The following AGBL1 variants were observed in gnomAD, a reference collection of about 807,000 sequenced individuals.
AGBL1 encodes cytosolic carboxypeptidase 4.
In AGBL1, 130 loss-of-function variants were observed where a neutral mutation model predicts 118.9. The ratio of observed to expected loss-of-function variants is 1.09; its 90% CI spans 0.95 to 1.26. The LOEUF (loss-of-function observed/expected upper bound fraction) is 1.26. AGBL1 is among the 50% of genes most tolerant of loss of function. The pLI is 0.00. For missense variants in AGBL1, 1,584 were observed against 1,298.1 expected (o/e 1.22, Z -3.38); for synonymous variants, 555 against 478.9 (o/e 1.16, Z -2.08).
chr15:86,966,775 G>T (rs995608518), intron 23 of AGBL1, among the ~76,000 whole-genome samples: 2 of 151,940 alleles, frequency 1.3e-5, no homozygotes, highest in Admixed American at 6.6e-5. Flanking sequence ...GAATAATGCC[G>T]CAATAAACAT....
intron 22 of AGBL1, among the ~76,000 whole-genome samples, chr15:86,689,699 A>C (rs1184060294): frequency 6.6e-6 from 1 of 152,176 alleles, no homozygotes; most frequent in Non-Finnish European, 1.5e-5. Flanking sequence ...ATGTATTAAA[A>C]AAAATTAGCT....
intron 6 of AGBL1, among the ~76,000 whole-genome samples, chr15:86,236,661 G>A (rs1192331837): frequency 6.6e-6 from 1 of 151,940 alleles, no homozygotes; most frequent in African/African-American, 2.4e-5. Context: ...TTTAAGGAGT[G>A]GAGAGTTTAA....
intron 18 of AGBL1, among the ~76,000 whole-genome samples, chr15:86,476,802 T>C (rs998823557): frequency 6.6e-6 from 1 of 152,176 alleles, no homozygotes; most frequent in South Asian, 2.1e-4. Flanking sequence ...CACATTGCAC[T>C]TATTCCAAAA....
chr15:86,701,769 TCACTCCTCTCCCCTCCC>T (rs2086363249), intron 22 of AGBL1, among the ~76,000 whole-genome samples: 1 of 142,162 alleles, frequency 7.0e-6, no homozygotes, highest in South Asian at 2.4e-4. Context: ...CCCCTTCCTT[TCACTCCTCTCCCCTCCC>T]CACTCCTTCC....
intron 21 of AGBL1, among the ~76,000 whole-genome samples, chr15:86,593,296 A>ATTTTT (rs35818219): frequency 6.9e-6 from 1 of 145,806 alleles, no homozygotes; most frequent in East Asian, 2.0e-4. Context: ...GGAACCTTAG[A>ATTTTT]TTTTTTTTTT....
chr15:86,551,740 G>A (rs367628928), intron 20 of AGBL1, among the ~76,000 whole-genome samples: 148 of 152,166 alleles, frequency 9.7e-4, no homozygotes, highest in African/African-American at 3.4e-3. Context: ...CAAAATGAGG[G>A]CATCACAAGA....
chr15:86,974,493 T>TTTTATATATTGAATATAAACATA (rs1276287094), intron 23 of AGBL1, among the ~76,000 whole-genome samples: 9 of 130,216 alleles, frequency 6.9e-5, no homozygotes, highest in Non-Finnish European at 1.3e-4. Flanking sequence ...TATAAACATA[T>TTTTATATATTGAATATAAACATA]TTTATATATT....
At chr15:86,115,776 T>C in intron 1 of AGBL1, among the ~76,000 whole-genome samples, 1 of 152,196 alleles carries the variant, frequency 6.6e-6, no homozygotes, top group South Asian at 2.1e-4. Flanking sequence ...ACCATGTGTA[T>C]GTTAAGGGCA....
intron 9 of AGBL1, among the ~76,000 whole-genome samples, chr15:86,261,208 A>G (rs2078976958): frequency 6.6e-6 from 1 of 152,192 alleles, no homozygotes; most frequent in Non-Finnish European, 1.5e-5. Context: ...CTTCAGATGC[A>G]CCAGTTGGAG....
intron 18 of AGBL1, among the ~76,000 whole-genome samples, chr15:86,475,927 C>T (rs1326728355): frequency 6.6e-6 from 1 of 152,180 alleles, no homozygotes; most frequent in Non-Finnish European, 1.5e-5. Context: ...ATTTAACATT[C>T]TTAAAGAAAC....
At chr15:86,177,836 A>G (rs545036045) in intron 5 of AGBL1, among the ~76,000 whole-genome samples, 2 of 152,338 alleles carry the variant, frequency 1.3e-5, no homozygotes, top group Non-Finnish European at 2.9e-5. Context: ...AAGAAGAAAG[A>G]TGGAATCTCT....
intron 22 of AGBL1, among the ~76,000 whole-genome samples, chr15:86,793,614 C>G (rs1008013555): frequency 1.3e-5 from 2 of 152,066 alleles, no homozygotes; most frequent in Non-Finnish European, 2.9e-5. Context: ...AAACAGATAA[C>G]TTGGACTTTA....
chr15:86,973,839 C>A (rs1348139561), intron 23 of AGBL1, among the ~76,000 whole-genome samples: 2 of 147,532 alleles, frequency 1.4e-5, no homozygotes, highest in Admixed American at 7.0e-5. Flanking sequence ...ATCTGCGTAC[C>A]CCCAGTGTTC....
At chr15:86,198,343 G>A (rs141976100) in intron 5 of AGBL1, among the ~76,000 whole-genome samples, 1 of 152,114 alleles carries the variant, frequency 6.6e-6, no homozygotes, top group Non-Finnish European at 1.5e-5. Context: ...GTATTCGACC[G>A]TACTTGACTT....
At chr15:86,547,451 T>C (rs938036224) in intron 20 of AGBL1, among the ~76,000 whole-genome samples, 3 of 152,272 alleles carry the variant, frequency 2.0e-5, no homozygotes, top group African/African-American at 7.2e-5. Context: ...AAAAGTCTCC[T>C]GTACGAAGCT....
chr15:86,086,480 G>A (rs1895661779), intron 1 of AGBL1: 1 of 152,150 alleles, frequency 6.6e-6, no homozygotes, highest in Non-Finnish European at 1.5e-5. Flanking sequence ...TCTTGTTAGA[G>A]AAAAAGATGA....
At chr15:86,823,268 A>G (rs891139385) in intron 22 of AGBL1, among the ~76,000 whole-genome samples, 1 of 152,102 alleles carries the variant, frequency 6.6e-6, no homozygotes, top group African/African-American at 2.4e-5. Flanking sequence ...CTTGAGAGAA[A>G]GGGTGGGACA....
chr15:86,281,621 C>T (rs907815495), intron 16 of AGBL1, among the ~76,000 whole-genome samples: 4 of 152,068 alleles, frequency 2.6e-5, no homozygotes, highest in African/African-American at 4.8e-5. Flanking sequence ...TCACCCTTAA[C>T]GTTTATAGAT....
chr15:86,961,744 A>G (rs1044031818), intron 23 of AGBL1, among the ~76,000 whole-genome samples: 4 of 152,000 alleles, frequency 2.6e-5, no homozygotes, highest in Non-Finnish European at 5.9e-5. Flanking sequence ...ATGAATCTCT[A>G]GTTTAGCCAC....
Sources: allele counts gnomAD v4.1 joint callset (sites outside exome capture counted in the v4.1 genomes callset), GRCh38; gene constraint gnomAD v4.1.1; transcripts MANE v1.5; gene names NCBI Gene and HGNC (gene_info 2026-07-23, HGNC 2026-07-21).